SERPINI2: variants seen among roughly 807,000 people sequenced by gnomAD.
The protein encoded by SERPINI2 is serpin family I member 2, also known as serpin I2.
In SERPINI2, 48 loss-of-function variants were observed where a neutral mutation model predicts 47.3. The ratio of observed to expected loss-of-function variants is 1.02; its 90% CI spans 0.81 to 1.29. The LOEUF (loss-of-function observed/expected upper bound fraction) is 1.29, where lower values mean the gene tolerates loss of function less well. SERPINI2 is among the 50% of genes most tolerant of loss of function. SERPINI2 has a pLI of 0.00. For synonymous variants in SERPINI2, 135 were observed against 149.3 expected (o/e 0.90, Z 0.70); for missense variants, 448 against 456.9 (o/e 0.98, Z 0.18).
chr3:167,473,865 G>A (rs1043393141), intron 1 of SERPINI2, 138 bp downstream of exon 1: 33 of 1,209,906 alleles, frequency 2.7e-5, no homozygotes, highest in African/African-American at 6.3e-5. Context: ...GAATAAAAGC[G>A]ATATGTTAAT....
intron 5 of SERPINI2, among the ~76,000 whole-genome samples, chr3:167,455,462 G>A (rs139314384): frequency 0.01 from 1,552 of 151,792 alleles, 83 homozygotes; most frequent in Admixed American, 0.095. Flanking sequence ...CTTGTTTAAT[G>A]AAAAAAAGTC....
chr3:167,441,940 A>T, exon 9 of SERPINI2: 1 of 478,462 alleles, frequency 2.1e-6, no homozygotes, highest in Non-Finnish European at 3.6e-6. Flanking sequence ...GAATGGAAAC[A>T]AATGCATACC....
At chr3:167,457,178 C>T (rs1405848774) in intron 5 of SERPINI2, among the ~76,000 whole-genome samples, 3 of 152,178 alleles carry the variant, frequency 2.0e-5, no homozygotes, top group Admixed American at 6.5e-5. Context: ...AACTGTAGTG[C>T]TTAACAAGTT....
chr3:167,454,013 A>G (rs149923104), intron 5 of SERPINI2, among the ~76,000 whole-genome samples: 108 of 152,346 alleles, frequency 7.1e-4, no homozygotes, highest in African/African-American at 2.5e-3. Flanking sequence ...AGCTATATAT[A>G]TTTCCTACAT....
exon 9 of SERPINI2, chr3:167,442,066 A>G: frequency 6.7e-7 from 1 of 1,482,668 alleles, no homozygotes; most frequent in Non-Finnish European, 9.2e-7. Context: ...CCAATCAGCT[A>G]TTTTTGAGAA....
intron 5 of SERPINI2, among the ~76,000 whole-genome samples, chr3:167,464,009 C>CTTTTTTTTTTTT (rs555948215): frequency 2.1e-5 from 2 of 93,276 alleles, no homozygotes; most frequent in Non-Finnish European, 2.1e-5. Flanking sequence ...ACAGGAGTGG[C>CTTTTTTTTTTTT]TTTTTTTTTT....
chr3:167,453,310 A>ATTCTAAG (rs1190910781), intron 5 of SERPINI2, among the ~76,000 whole-genome samples: 1 of 152,232 alleles, frequency 6.6e-6, no homozygotes, highest in African/African-American at 2.4e-5. Context: ...CTCGGTGAGA[A>ATTCTAAG]TTCTAAGTTC....
chr3:167,460,032 A>G (rs1006658580), intron 5 of SERPINI2, among the ~76,000 whole-genome samples: 2 of 152,196 alleles, frequency 1.3e-5, no homozygotes, highest in Non-Finnish European at 2.9e-5. Flanking sequence ...GGATTCTCCT[A>G]ACGGTCTCAG....
intron 8 of SERPINI2, among the ~76,000 whole-genome samples, chr3:167,444,340 G>A (rs984509771): frequency 1.3e-5 from 2 of 152,060 alleles, no homozygotes; most frequent in Admixed American, 6.6e-5. Flanking sequence ...AAATTCATCT[G>A]ATAGGAAAAT....
At chr3:167,475,880 T>TAA (rs1750469996), upstream of SERPINI2, among the ~76,000 whole-genome samples, 2 of 151,754 alleles carry the variant, frequency 1.3e-5, no homozygotes, top group South Asian at 4.1e-4. Flanking sequence ...CTTATCCTTT[T>TAA]ATAGTTTTTT....
chr3:167,459,881 G>C (rs540096413), intron 5 of SERPINI2, among the ~76,000 whole-genome samples: 1 of 152,050 alleles, frequency 6.6e-6, no homozygotes, highest in Non-Finnish European at 1.5e-5. Flanking sequence ...AATATGATCG[G>C]TGTCCTTATA....
At chr3:167,460,925 C>A (rs1218332514) in intron 5 of SERPINI2, among the ~76,000 whole-genome samples, 1 of 152,122 alleles carries the variant, frequency 6.6e-6, no homozygotes, top group African/African-American at 2.4e-5. Flanking sequence ...ATGAGCAAGA[C>A]CTAACCCGCT....
chr3:167,468,308 GAT>G (rs2108171452), intron 2 of SERPINI2, among the ~76,000 whole-genome samples: 1 of 152,116 alleles, frequency 6.6e-6, no homozygotes, highest in Admixed American at 6.6e-5. Context: ...AAATAAGGAG[GAT>G]GTGTGTGTGT....
exon 9 of SERPINI2, chr3:167,441,995 C>T (rs1240028205): frequency 1.4e-6 from 1 of 691,468 alleles, no homozygotes; most frequent in African/African-American, 1.9e-5. Flanking sequence ...ACTACAGGCA[C>T]AGTTTAAAAC....
At chr3:167,443,686 A>G (rs917980845) in intron 8 of SERPINI2, among the ~76,000 whole-genome samples, 2 of 152,190 alleles carry the variant, frequency 1.3e-5, no homozygotes, top group African/African-American at 4.8e-5. Context: ...ACACTAAGTT[A>G]TAATTGAGGA....
At chr3:167,461,497 T>C (rs1355627603) in intron 5 of SERPINI2, among the ~76,000 whole-genome samples, 1 of 152,214 alleles carries the variant, frequency 6.6e-6, no homozygotes, top group Non-Finnish European at 1.5e-5. Context: ...AATGGGCTTT[T>C]TCATTTTGCA....
chr3:167,468,986 T>C (rs557815872), intron 2 of SERPINI2, among the ~76,000 whole-genome samples: 144 of 152,344 alleles, frequency 9.5e-4, no homozygotes, highest in African/African-American at 3.3e-3. Flanking sequence ...AATAGATTTA[T>C]GTCATGTACT....
chr3:167,471,529 TA>T, intron 2 of SERPINI2, 58 bp downstream of exon 2: 1 of 1,454,624 alleles, frequency 6.9e-7, no homozygotes, highest in South Asian at 1.6e-5. Flanking sequence ...CTTCTAATAT[TA>T]AAAAATGAAT....
rs748203874 is a variant in SERPINI2 at position 167,449,406 on chromosome 3, G to T, written c.965-4C>A. 2 of 1,581,076 alleles carry T rather than the reference G, an allele frequency of 1.3e-6. No homozygotes were observed. Among genetic ancestry groups the T allele is most frequent in the Non-Finnish European group, 1.7e-6 (2 of 1,156,892 alleles). On this transcript the variant is annotated splice_polypyrimidine_tract_variant and splice_region_variant and intron_variant, in intron 6 of 8. Coordinates refer to ENST00000264677, the Ensembl canonical transcript of SERPINI2. ...GAAACATACACTTCAGATGAATCTGGTTAAAAAAAAATACACAAAAGTGTA... is the reference window on the plus strand; with the variant it reads ...GAAACATACACTTCAGATGAATCTGTTTAAAAAAAAATACACAAAAGTGTA...
Sources: allele counts gnomAD v4.1 joint callset (sites outside exome capture counted in the v4.1 genomes callset), GRCh38; gene constraint gnomAD v4.1.1; transcripts MANE v1.5; gene names NCBI Gene and HGNC (gene_info 2026-07-23, HGNC 2026-07-21).